The following HTR1F variants were observed in gnomAD, a reference collection of about 807,000 sequenced individuals.
The protein encoded by HTR1F is 5-hydroxytryptamine receptor 1F.
Under a neutral mutation model 24.0 loss-of-function variants are expected in HTR1F, and 17 were observed. That is an observed-to-expected ratio of 0.71 (90% CI 0.48 to 1.06). The LOEUF (loss-of-function observed/expected upper bound fraction) is 1.06. Among genes scored for constraint, HTR1F ranks in the 50% least tolerant of loss-of-function variants. HTR1F has a pLI of 0.00. For missense variants in HTR1F, 391 were observed against 427.8 expected (o/e 0.91, Z 0.76); for synonymous variants, 186 against 156.8 (o/e 1.19, Z -1.39).
intron 2 of HTR1F, among the ~76,000 whole-genome samples, chr3:87,891,108 T>C (rs1706072819): frequency 6.6e-6 from 1 of 152,200 alleles, no homozygotes; most frequent in Non-Finnish European, 1.5e-5. Context: ...CCCAAAGTGC[T>C]GGGATTACAG....
At chr3:87,940,164 T>A (rs1478436070) in intron 2 of HTR1F, among the ~76,000 whole-genome samples, 1 of 152,220 alleles carries the variant, frequency 6.6e-6, no homozygotes, top group Non-Finnish European at 1.5e-5. Flanking sequence ...TTCCATGTAG[T>A]TGTGCAGTTT....
At chr3:87,990,292 C>T (rs933777896) in intron 2 of HTR1F, among the ~76,000 whole-genome samples, 2 of 152,128 alleles carry the variant, frequency 1.3e-5, no homozygotes, top group African/African-American at 4.8e-5. Flanking sequence ...GCTCTATCAG[C>T]TTTGAATATA....
chr3:87,939,238 G>A (rs1297656280), intron 2 of HTR1F, among the ~76,000 whole-genome samples: 3 of 152,142 alleles, frequency 2.0e-5, no homozygotes, highest in African/African-American at 7.2e-5. Flanking sequence ...TGATTGTGGT[G>A]GATAAGCTTT....
At position 87,795,052 on chromosome 3, in the gene HTR1F, A is replaced by G. The variant is rs1703881730; in HGVS notation, c.-160+2210A>G. Among the ~76,000 whole-genome samples the G allele has an allele frequency of 5.2e-5, 7 of 133,596 alleles. No individual in the cohort carries two copies. The South Asian group carries it at 1.6e-3, about 30-fold the overall frequency. The allele number at this position is 133,596 out of a possible 152,430, so 87.6% of individuals were successfully genotyped here. On this transcript the variant is annotated intron_variant, in intron 1 of 2. Coordinates refer to ENST00000319595, the MANE Select transcript of HTR1F (RefSeq NM_001322209.2). Reference sequence around the variant, plus strand: ...CTCCACGCTGGAGTGCAGTTGCACAATCTCGGCTCACTGCAACCTCTGACT... The same window carrying G: ...CTCCACGCTGGAGTGCAGTTGCACAGTCTCGGCTCACTGCAACCTCTGACT...
At chr3:87,815,402 G>A (rs922694988) in intron 1 of HTR1F, among the ~76,000 whole-genome samples, 6 of 152,062 alleles carry the variant, frequency 3.9e-5, no homozygotes, top group Non-Finnish European at 7.4e-5. Context: ...GTATCAGGAA[G>A]TGTACTAGCT....
Position 87,991,948 on chromosome 3 carries a change from T to G in HTR1F, c.*98T>G. The G allele has an allele frequency of 2.9e-6, 3 of 1,025,756 alleles. No homozygotes were observed. The highest frequency in any genetic ancestry group is 4.2e-6 in the Non-Finnish European group (3 of 709,138). 63.5% of individuals were successfully genotyped at this position (1,025,756 alleles called of 1,614,324 possible). Reference sequence around the variant, plus strand: ...AAACACTTAAGCTTTTAGAGGGAAATACATGAAAACTGCTAAATTGATAAG... The same window carrying G: ...AAACACTTAAGCTTTTAGAGGGAAAGACATGAAAACTGCTAAATTGATAAG... On this transcript the variant is annotated 3_prime_UTR_variant, in exon 3 of 3. Coordinates refer to ENST00000319595, the MANE Select transcript of HTR1F (RefSeq NM_001322209.2).
At chr3:87,937,781 G>A (rs1704461068) in intron 2 of HTR1F, among the ~76,000 whole-genome samples, 1 of 151,988 alleles carries the variant, frequency 6.6e-6, no homozygotes, top group Non-Finnish European at 1.5e-5. Context: ...AAAATCAGCT[G>A]GGCATGGTGG....
chr3:87,878,441 G>C (rs961081302), intron 2 of HTR1F, among the ~76,000 whole-genome samples: 7 of 152,204 alleles, frequency 4.6e-5, no homozygotes, highest in African/African-American at 1.7e-4. Flanking sequence ...CAGCAGGACA[G>C]AGATAGAATA....
intron 2 of HTR1F, among the ~76,000 whole-genome samples, chr3:87,897,261 T>C (rs1706219760): frequency 6.7e-6 from 1 of 149,200 alleles, no homozygotes; most frequent in Non-Finnish European, 1.5e-5. Context: ...TAATTCAGCC[T>C]TTAAAATGGA....
intron 2 of HTR1F, among the ~76,000 whole-genome samples, chr3:87,893,065 A>AT (rs1010982676): frequency 6.6e-6 from 1 of 152,146 alleles, no homozygotes; most frequent in East Asian, 1.9e-4. Flanking sequence ...CAGTTGATAA[A>AT]TTTTTTTAAT....
At chr3:87,799,670 C>T (rs1218365112) in intron 1 of HTR1F, among the ~76,000 whole-genome samples, 1 of 152,180 alleles carries the variant, frequency 6.6e-6, no homozygotes, top group African/African-American at 2.4e-5. Flanking sequence ...GAATAAAACC[C>T]TCACTATCTG....
At chr3:87,849,844 G>A (rs1262039734) in intron 2 of HTR1F, among the ~76,000 whole-genome samples, 4 of 151,822 alleles carry the variant, frequency 2.6e-5, no homozygotes, top group Admixed American at 6.6e-5. Context: ...GCAGCCAAAA[G>A]ACAGATGAAA....
rs779513645 is a variant in HTR1F, at chr3:87,867,222, T to C, written c.-43+45098T>C. The stretch of plus-strand genomic sequence containing the variant: ...TTTTGTGTGAGTCAGTGGTGTTGGC[T>C]TCAAATTCTTTGGCATTTTCACCCT... On this transcript the variant is annotated intron_variant, in intron 2 of 2. Coordinates refer to ENST00000319595, the MANE Select transcript of HTR1F (RefSeq NM_001322209.2). 1.1e-4 allele frequency among the ~76,000 whole-genome samples: 17 copies of C among 152,050 alleles called. 1 individual carries two copies. The highest frequency in any genetic ancestry group is 6.8e-3 in the Middle Eastern group (2 of 294).
intron 2 of HTR1F, among the ~76,000 whole-genome samples, chr3:87,922,301 T>C (rs1348729111): frequency 6.6e-6 from 1 of 151,960 alleles, no homozygotes; most frequent in Non-Finnish European, 1.5e-5. Context: ...TTTCATATAC[T>C]TCTTGGCCAT....
At chr3:87,849,487 C>A (rs1705030459) in intron 2 of HTR1F, among the ~76,000 whole-genome samples, 1 of 151,828 alleles carries the variant, frequency 6.6e-6, no homozygotes, top group African/African-American at 2.4e-5. Flanking sequence ...ACATGTTAGA[C>A]CTAAAACCAT....
chr3:87,934,115 A>G (rs1218367942), intron 2 of HTR1F, among the ~76,000 whole-genome samples: 1 of 152,224 alleles, frequency 6.6e-6, no homozygotes, highest in East Asian at 1.9e-4. Flanking sequence ...CAAGCTATTC[A>G]TCAGTGAGCT....
At chr3:87,883,673 T>C (rs1015330086) in intron 2 of HTR1F, among the ~76,000 whole-genome samples, 3 of 152,122 alleles carry the variant, frequency 2.0e-5, no homozygotes, top group African/African-American at 7.2e-5. Flanking sequence ...CTGAAAACCA[T>C]GGCACGAGAA....
chr3:87,984,360 C>T (rs1310555192), intron 2 of HTR1F, among the ~76,000 whole-genome samples: 1 of 151,636 alleles, frequency 6.6e-6, no homozygotes, highest in Admixed American at 6.6e-5. Context: ...ATGACAAGTA[C>T]AAAGTGTTGT....
chr3:87,968,297 C>T (rs528623664), intron 2 of HTR1F, among the ~76,000 whole-genome samples: 17 of 152,172 alleles, frequency 1.1e-4, no homozygotes, highest in Non-Finnish European at 2.4e-4. Flanking sequence ...ACTGCAACCT[C>T]CAGCTCCCAG....
Sources: allele counts gnomAD v4.1 joint callset (sites outside exome capture counted in the v4.1 genomes callset), GRCh38; gene constraint gnomAD v4.1.1; transcripts MANE v1.5; gene names NCBI Gene and HGNC (gene_info 2026-07-23, HGNC 2026-07-21).